The following SDK1 variants were observed in gnomAD, a reference collection of about 807,000 sequenced individuals.
SDK1 encodes sidekick cell adhesion molecule 1.
Under a neutral mutation model 245.5 loss-of-function variants are expected in SDK1, and 157 were observed. That is an observed-to-expected ratio of 0.64 (90% CI 0.56 to 0.73). SDK1 has a LOEUF of 0.73. Ranked by LOEUF, SDK1 falls within the 30% of genes least tolerant of loss-of-function variation. The pLI is 0.00. For missense variants in SDK1, 3,583 were observed against 3,002.3 expected, an observed-to-expected ratio of 1.19 and a Z score of -4.52; for synonymous variants, 1,647 against 1,278.5, an observed-to-expected ratio of 1.29 and a Z score of -6.15.
At chr7:4,055,446 T>C (rs1779134234) in intron 19 of SDK1, among the ~76,000 whole-genome samples, 1 of 152,194 alleles carries the variant, frequency 6.6e-6, no homozygotes. Context: ...ATTCCTGATA[T>C]TGATGATTGG....
chr7:4,078,156 G>A (rs1780817584), intron 21 of SDK1, among the ~76,000 whole-genome samples: 1 of 152,188 alleles, frequency 6.6e-6, no homozygotes, highest in African/African-American at 2.4e-5. Flanking sequence ...TAACCAAGGT[G>A]CAGGGAGGCA....
At chr7:4,124,821 G>A (rs147530600) in intron 25 of SDK1, among the ~76,000 whole-genome samples, 5 of 152,334 alleles carry the variant, frequency 3.3e-5, no homozygotes, top group African/African-American at 1.2e-4. Flanking sequence ...TGAAGGAATA[G>A]ATGAGTGAAT....
intron 4 of SDK1, among the ~76,000 whole-genome samples, chr7:3,723,884 A>ACACATACACGTG (rs1778915313): frequency 7.6e-6 from 1 of 132,002 alleles, no homozygotes. Context: ...ACGTACATAT[A>ACACATACACGTG]TATATACACG....
chr7:3,604,421 T>C (rs970810575), intron 1 of SDK1, among the ~76,000 whole-genome samples: 1 of 152,166 alleles, frequency 6.6e-6, no homozygotes, highest in Non-Finnish European at 1.5e-5. Flanking sequence ...AGGTGGGTTA[T>C]TGACTTCAGG....
intron 13 of SDK1, among the ~76,000 whole-genome samples, chr7:3,978,020 G>A (rs746683694): frequency 6.6e-6 from 1 of 152,000 alleles, no homozygotes; most frequent in Non-Finnish European, 1.5e-5. Flanking sequence ...CAAACAGTGA[G>A]TACCCAAAGC....
At chr7:3,777,446 T>G (rs1489643060) in intron 4 of SDK1, among the ~76,000 whole-genome samples, 3 of 152,192 alleles carry the variant, frequency 2.0e-5, no homozygotes, top group Non-Finnish European at 4.4e-5. Context: ...ATGGTTGTCA[T>G]TTTACAGATG....
At chr7:3,407,017 A>T (rs1428163517) in intron 1 of SDK1, among the ~76,000 whole-genome samples, 6 of 152,166 alleles carry the variant, frequency 3.9e-5, no homozygotes, top group Non-Finnish European at 1.5e-5. Context: ...TGCCAATGGG[A>T]TCAAGAATGC....
intron 20 of SDK1, among the ~76,000 whole-genome samples, chr7:4,070,656 G>A (rs926120386): frequency 5.9e-5 from 9 of 151,612 alleles, no homozygotes; most frequent in Middle Eastern, 3.5e-3. Context: ...CTGATAGAGC[G>A]GTGTGCCCAC....
Position 4,178,603 on chromosome 7 carries a change from C to G in SDK1, c.5098+17C>G, listed in dbSNP as rs760759545. The G allele has an allele frequency of 1.3e-6, 2 of 1,577,620 alleles. No homozygotes were observed. Among genetic ancestry groups the G allele is most frequent in the African/African-American group, 2.7e-5 (2 of 74,406 alleles). ...GCGAGGCTGGTAAGCTCCGTGCACC[C>G]CCAACCCCACTGCCAGAGAGGGCCA... On this transcript the variant is annotated intron_variant, in intron 35 of 44. Coordinates refer to ENST00000404826, the MANE Select transcript of SDK1 (RefSeq NM_152744.4).
At chr7:3,940,351 C>A (rs889949265) in intron 5 of SDK1, among the ~76,000 whole-genome samples, 7 of 152,258 alleles carry the variant, frequency 4.6e-5, no homozygotes, top group African/African-American at 1.7e-4. Context: ...GCTCTGCATT[C>A]CTTAGCCACC....
chr7:4,196,384 G>C (rs1242249813), intron 35 of SDK1, among the ~76,000 whole-genome samples: 2 of 152,234 alleles, frequency 1.3e-5, no homozygotes. Flanking sequence ...CTCATGTACA[G>C]CTTTGACTGT....
At chr7:3,373,889 C>G (rs1303244371) in intron 1 of SDK1, among the ~76,000 whole-genome samples, 1 of 152,034 alleles carries the variant, frequency 6.6e-6, no homozygotes, top group East Asian at 1.9e-4. Context: ...AGCCCAAAAA[C>G]TTGAAATAAA....
intron 1 of SDK1, among the ~76,000 whole-genome samples, chr7:3,377,119 C>G (rs1214255333): frequency 2.0e-5 from 3 of 152,190 alleles, no homozygotes; most frequent in South Asian, 4.2e-4. Context: ...TTTTAGGATT[C>G]TGTTCTGTAG....
intron 1 of SDK1, among the ~76,000 whole-genome samples, chr7:3,579,252 C>G (rs1398310232): frequency 2.7e-5 from 4 of 149,716 alleles, no homozygotes; most frequent in Admixed American, 2.6e-4. Context: ...AGCCAATATC[C>G]TTGATGAACG....
intron 1 of SDK1, among the ~76,000 whole-genome samples, chr7:3,598,987 T>C (rs764102372): frequency 1.3e-5 from 2 of 151,892 alleles, no homozygotes; most frequent in Non-Finnish European, 2.9e-5. Context: ...AGTTGCTGGG[T>C]TGCATGGTAG....
chr7:4,242,144 A>G (rs184593147), intron 43 of SDK1, among the ~76,000 whole-genome samples: 90 of 152,274 alleles, frequency 5.9e-4, no homozygotes, highest in African/African-American at 2.0e-3. Context: ...AGATTTAGAA[A>G]GAGGGTCTCA....
chr7:3,766,047 T>C (rs995174215), intron 4 of SDK1, among the ~76,000 whole-genome samples: 5 of 152,196 alleles, frequency 3.3e-5, no homozygotes, highest in African/African-American at 1.2e-4. Flanking sequence ...AGTGTATCAT[T>C]TATTTTACAA....
intron 5 of SDK1, among the ~76,000 whole-genome samples, chr7:3,853,871 C>T (rs962929329): frequency 2.0e-5 from 3 of 152,064 alleles, no homozygotes; most frequent in African/African-American, 7.2e-5. Flanking sequence ...CCCCTGTAGT[C>T]CCAGCTACTC....
intron 1 of SDK1, among the ~76,000 whole-genome samples, chr7:3,412,935 G>C (rs1779254842): frequency 6.6e-6 from 1 of 152,124 alleles, no homozygotes; most frequent in Non-Finnish European, 1.5e-5. Context: ...TTGGTTCTAG[G>C]GAATCAGCAA....
Sources: gnomAD v4.1 joint callset for allele counts (sites outside exome capture counted in the v4.1 genomes callset) on GRCh38, gnomAD v4.1.1 for gene constraint, MANE v1.5 for transcripts, NCBI Gene and HGNC (gene_info 2026-07-23, HGNC 2026-07-21) for gene names.